The following MACROD2 variants were observed in gnomAD, a reference collection of about 807,000 sequenced individuals.
MACROD2 encodes mono-ADP ribosylhydrolase 2, also known as ADP-ribose glycohydrolase MACROD2.
MACROD2 carries 36 observed loss-of-function variants against 70.4 expected under a neutral mutation model. That is an observed-to-expected ratio of 0.51 (90% CI 0.39 to 0.68). The LOEUF is 0.68. MACROD2 is among the 30% of genes least tolerant of loss of function. MACROD2 has a pLI of 0.00. For synonymous variants in MACROD2, 172 were observed against 178.8 expected, an observed-to-expected ratio of 0.96 and a Z score of 0.30; for missense variants, 496 against 538.4, an observed-to-expected ratio of 0.92 and a Z score of 0.78.
At chr20:15,609,295 T>C (rs577012442) in intron 8 of MACROD2, among the ~76,000 whole-genome samples, 27 of 152,340 alleles carry the variant, frequency 1.8e-4, no homozygotes, top group African/African-American at 6.5e-4. Flanking sequence ...AATGGTATCT[T>C]TGTTTTCTGA....
chr20:14,477,745 C>G (rs939170600), intron 3 of MACROD2, among the ~76,000 whole-genome samples: 2 of 151,956 alleles, frequency 1.3e-5, no homozygotes, highest in Non-Finnish European at 2.9e-5. Flanking sequence ...GGTTTGAAGT[C>G]TAATTTAAAA....
intron 15 of MACROD2, among the ~76,000 whole-genome samples, chr20:16,020,075 A>G (rs1486790988): frequency 6.6e-6 from 1 of 152,034 alleles, no homozygotes; most frequent in Non-Finnish European, 1.5e-5. Context: ...AATCATGCAA[A>G]TCTGTGATGA....
At chr20:14,520,950 C>CAT (rs1568651813) in intron 4 of MACROD2, among the ~76,000 whole-genome samples, 8 of 100,522 alleles carry the variant, frequency 8.0e-5, no homozygotes, top group African/African-American at 3.4e-4. Flanking sequence ...TGCACGCGTG[C>CAT]GTGCGCGCAC....
At chr20:14,931,592 A>G (rs553015987) in intron 5 of MACROD2, among the ~76,000 whole-genome samples, 1 of 152,310 alleles carries the variant, frequency 6.6e-6, no homozygotes, top group Admixed American at 6.5e-5. Flanking sequence ...TAAACGTTGT[A>G]AAGTTTTAAG....
rs955186997 is a variant in MACROD2, at chr20:15,372,371, A to G, written c.541-59034A>G. Among the ~76,000 whole-genome samples, 8 of 152,228 alleles carry G rather than the reference A, an allele frequency of 5.3e-5. No individual in the cohort carries two copies. The South Asian group carries it at 1.0e-3, about 20-fold the overall frequency. On this transcript the variant is annotated intron_variant, in intron 6 of 17. Coordinates refer to ENST00000684519, the MANE Select transcript of MACROD2 (RefSeq NM_001351661.2). ...GAAGGTTCAGGGTTTTTGGCATCCAACAGTGGTACTGTATATTCAGACTTT... is the reference window on the plus strand; with the variant it reads ...GAAGGTTCAGGGTTTTTGGCATCCAGCAGTGGTACTGTATATTCAGACTTT...
At chr20:14,417,246 G>A (rs1335245474) in intron 3 of MACROD2, among the ~76,000 whole-genome samples, 1 of 152,130 alleles carries the variant, frequency 6.6e-6, no homozygotes, top group Non-Finnish European at 1.5e-5. Context: ...TTGAGGAAAT[G>A]TACTATATTT....
At chr20:15,655,460 T>C (rs960433811) in intron 8 of MACROD2, among the ~76,000 whole-genome samples, 28 of 151,972 alleles carry the variant, frequency 1.8e-4, no homozygotes, top group African/African-American at 5.1e-4. Flanking sequence ...TTTTCACAAG[T>C]GGTTTGGGGT....
At chr20:14,020,002 A>T (rs774766568) in intron 2 of MACROD2, among the ~76,000 whole-genome samples, 12 of 152,064 alleles carry the variant, frequency 7.9e-5, no homozygotes, top group Admixed American at 2.0e-4. Context: ...CTGTAAACTA[A>T]ATTTCTTTCA....
intron 10 of MACROD2, among the ~76,000 whole-genome samples, chr20:15,901,653 A>G (rs1311913387): frequency 6.6e-6 from 1 of 152,230 alleles, no homozygotes; most frequent in Non-Finnish European, 1.5e-5. Flanking sequence ...TTATCAGGAC[A>G]TAGCCCCATC....
chr20:14,160,952 T>C (rs909682490), intron 3 of MACROD2, among the ~76,000 whole-genome samples: 2 of 152,118 alleles, frequency 1.3e-5, no homozygotes, highest in Admixed American at 6.5e-5. Context: ...ATAGTGAACA[T>C]TGTACCCAAT....
At chr20:15,746,913 G>A (rs1441956508) in intron 8 of MACROD2, among the ~76,000 whole-genome samples, 1 of 152,152 alleles carries the variant, frequency 6.6e-6, no homozygotes, top group Non-Finnish European at 1.5e-5. Flanking sequence ...TAAGCAAGAT[G>A]CTCAACTGGG....
intron 8 of MACROD2, among the ~76,000 whole-genome samples, chr20:15,611,551 C>G (rs1012752515): frequency 6.6e-6 from 1 of 151,934 alleles, no homozygotes; most frequent in Non-Finnish European, 1.5e-5. Context: ...ATGAAGGACC[C>G]TATAGTTATT....
chr20:15,874,600 C>T (rs1318089034), intron 9 of MACROD2, among the ~76,000 whole-genome samples: 3 of 152,082 alleles, frequency 2.0e-5, no homozygotes, highest in Non-Finnish European at 4.4e-5. Flanking sequence ...TTTTAATGAT[C>T]ACCATTCTAA....
In MACROD2 at chr20:14,218,233, C is replaced by T. The variant is rs534255343; in HGVS notation, c.271+132505C>T. Among the ~76,000 whole-genome samples the T allele has an allele frequency of 2.0e-5, 3 of 152,264 alleles. No individual in the cohort carries two copies. The South Asian group carries it at 6.2e-4, about 32-fold the overall frequency. ...TATATGTTTAGAATTGTGATATTTT[C>T]CTGTTGGACAAGGCCTTTTACTGTT... On this transcript the variant is annotated intron_variant, in intron 3 of 17. Transcript: ENST00000684519.
intron 5 of MACROD2, among the ~76,000 whole-genome samples, chr20:14,787,064 CATA>C (rs1301893491): frequency 2.0e-5 from 3 of 152,096 alleles, no homozygotes; most frequent in Non-Finnish European, 4.4e-5. Context: ...AAGCTATACA[CATA>C]ATGATGATCA....
chr20:14,005,931 A>G (rs2052812680), intron 2 of MACROD2, among the ~76,000 whole-genome samples: 1 of 152,122 alleles, frequency 6.6e-6, no homozygotes, highest in Non-Finnish European at 1.5e-5. Context: ...AGCATTTATA[A>G]ATATATGTAA....
intron 6 of MACROD2, among the ~76,000 whole-genome samples, chr20:15,369,163 GA>G (rs2045456163): frequency 6.6e-6 from 1 of 151,988 alleles, no homozygotes. Context: ...TACTAAGTGA[GA>G]AAAAAATTAG....
intron 5 of MACROD2, among the ~76,000 whole-genome samples, chr20:14,727,893 T>G (rs1489755897): frequency 6.6e-6 from 1 of 152,190 alleles, no homozygotes; most frequent in Admixed American, 6.5e-5. Flanking sequence ...TACTTTATAT[T>G]AGTGACTATT....
At chr20:14,760,689 T>C (rs1428521551) in intron 5 of MACROD2, among the ~76,000 whole-genome samples, 1 of 152,126 alleles carries the variant, frequency 6.6e-6, no homozygotes, top group African/African-American at 2.4e-5. Context: ...TTCTGAGTTA[T>C]CTGCTATCCC....
Sources: gnomAD v4.1 joint callset for allele counts (sites outside exome capture counted in the v4.1 genomes callset) on GRCh38, gnomAD v4.1.1 for gene constraint, MANE v1.5 for transcripts, NCBI Gene and HGNC (gene_info 2026-07-23, HGNC 2026-07-21) for gene names.